The following OTC variants were observed in gnomAD, a reference collection of about 807,000 sequenced individuals.
OTC encodes the protein ornithine transcarbamylase.
Under a neutral mutation model 30.3 loss-of-function variants are expected in OTC, and 3 were observed. The observed-to-expected ratio is 0.10, with a 90% CI of 0.05 to 0.26. The LOEUF is 0.26. Among genes scored for constraint, OTC ranks in the 10% least tolerant of loss-of-function variants. The pLI, the probability that OTC is intolerant of heterozygous loss-of-function variation, is 1.00. For missense variants in OTC, 194 were observed against 260.3 expected (o/e 0.75, Z 1.75); for synonymous variants, 111 against 99.7 (o/e 1.11, Z -0.67).
intron 1 of OTC, among the ~76,000 whole-genome samples, chrX:38,367,007 G>A (rs2068299416): frequency 9.1e-6 from 1 of 110,120 alleles, no homozygotes; most frequent in Non-Finnish European, 1.9e-5. Flanking sequence ...GAGAAACCCC[G>A]TCTCTAGTAA....
intron 2 of OTC, among the ~76,000 whole-genome samples, chrX:38,367,892 A>AT (rs1161125561): frequency 1.8e-4 from 20 of 110,230 alleles, no homozygotes; most frequent in African/African-American, 6.6e-4. Context: ...TAATTTTTGT[A>AT]TTTTTAGTAG....
chrX:38,354,449 G>A (rs1370627134), intron 1 of OTC, among the ~76,000 whole-genome samples: 1 of 111,673 alleles, frequency 9.0e-6, no homozygotes, highest in East Asian at 2.8e-4. Context: ...AACTTATACT[G>A]TTCTTTGAAA....
chrX:38,327,706 G>T, the OTC span: 1,107 of 348,525 alleles, frequency 3.2e-3, no homozygotes, highest in Admixed American at 6.1e-3. Flanking sequence ...GCCACGCCGC[G>T]CAGTGATGCT....
chrX:38,355,456 A>G (rs2068235940), intron 1 of OTC, among the ~76,000 whole-genome samples: 1 of 112,506 alleles, frequency 8.9e-6, no homozygotes. Context: ...GTTCAATTTC[A>G]TCTCACAAAT....
intron 3 of OTC, among the ~76,000 whole-genome samples, chrX:38,370,956 A>G (rs777400472): frequency 4.5e-5 from 5 of 110,952 alleles, no homozygotes; most frequent in Non-Finnish European, 9.4e-5. Flanking sequence ...GCTGGGTGCC[A>G]TGGAGCTCTA....
the OTC span, among the ~76,000 whole-genome samples, chrX:38,331,432 T>G: frequency 2.1e-4 from 10 of 47,158 alleles, no homozygotes; most frequent in Admixed American, 5.8e-4. Context: ...TTTTTTTTTG[T>G]TTTTTTTTTG....
At chrX:38,410,874 G>A (rs1410224537) in intron 8 of OTC, among the ~76,000 whole-genome samples, 13 of 111,541 alleles carry the variant, frequency 1.2e-4, no homozygotes, top group Non-Finnish European at 1.9e-4. Context: ...CCTAGAGCTT[G>A]GGTGGGAGGT....
At chrX:38,415,944 T>C (rs1221823364) in intron 9 of OTC, among the ~76,000 whole-genome samples, 1 of 112,555 alleles carries the variant, frequency 8.9e-6, no homozygotes, top group African/African-American at 3.2e-5. Flanking sequence ...AATAGCCACA[T>C]GTGGCTGGTG....
At chrX:38,340,477 T>TG in the OTC span, among the ~76,000 whole-genome samples, 14 of 104,155 alleles carry the variant, frequency 1.3e-4, no homozygotes, top group African/African-American at 4.9e-4. Context: ...TTTTTTGTTT[T>TG]TTTTTTTTTT....
chrX:38,378,528 A>T (rs181922000), intron 3 of OTC, among the ~76,000 whole-genome samples: 1 of 111,697 alleles, frequency 9.0e-6, no homozygotes, highest in African/African-American at 3.2e-5. Flanking sequence ...TATGAACCCA[A>T]TGCTAGAGCA....
At position 38,403,659 on chromosome X, in the gene OTC, C is replaced by T. The variant is rs200564773; in HGVS notation, c.582C>T (p.Ile194=). ...SSLKGLTLSW[I]GDGNNILHSI... ...TGAAAGGTCTTACCCTCAGCTGGAT[C>T]GGGGATGGGAACAATATCCTGCACT... is the stretch of plus-strand genomic sequence containing the variant. Residue 194 remains isoleucine (I), a synonymous_variant, in exon 6 of 10, where the codon ATC becomes ATT. Transcript: ENST00000039007. The T allele has an allele frequency of 1.8e-4, 221 of 1,205,719 alleles. 1 individual carries two copies. The highest frequency in any genetic ancestry group is 1.2e-4 in the South Asian group (7 of 56,703).
chrX:38,370,946 G>T (rs1297507996), intron 3 of OTC, among the ~76,000 whole-genome samples: 2 of 110,822 alleles, frequency 1.8e-5, no homozygotes, highest in Admixed American at 9.6e-5. Context: ...CCTTCCTCAT[G>T]CTGGGTGCCA....
chrX:38,347,044 A>G, the OTC span, among the ~76,000 whole-genome samples: 1 of 112,525 alleles, frequency 8.9e-6, no homozygotes, highest in East Asian at 2.8e-4. Flanking sequence ...AGATAAGGAA[A>G]CTGACTTCCC....
chrX:38,337,920 C>G, the OTC span, among the ~76,000 whole-genome samples: 1 of 108,885 alleles, frequency 9.2e-6, no homozygotes, highest in South Asian at 3.9e-4. Context: ...GTAACTCCCT[C>G]AGGTTAAAAA....
chrX:38,328,233 G>A, the OTC span, among the ~76,000 whole-genome samples: 1 of 112,373 alleles, frequency 8.9e-6, no homozygotes, highest in Non-Finnish European at 1.9e-5. Context: ...GCAGATTTAC[G>A]TACGTTTGGT....
chrX:38,368,756 G>T (rs377691613), intron 2 of OTC, among the ~76,000 whole-genome samples: 74 of 98,388 alleles, frequency 7.5e-4, no homozygotes, highest in African/African-American at 2.6e-3. Flanking sequence ...AAAAACTGAG[G>T]ACAGGAGTGA....
At chrX:38,388,914 A>G (rs1417547093) in intron 4 of OTC, among the ~76,000 whole-genome samples, 1 of 112,300 alleles carries the variant, frequency 8.9e-6, no homozygotes, top group Non-Finnish European at 1.9e-5. Context: ...TACCACAAAC[A>G]TGGTGGCTTA....
At chrX:38,384,252 G>A (rs1437668122) in intron 4 of OTC, among the ~76,000 whole-genome samples, 2 of 111,683 alleles carry the variant, frequency 1.8e-5, no homozygotes, top group African/African-American at 6.5e-5. Context: ...AGGGGGAGGA[G>A]GAAATCCTCA....
At chrX:38,356,922 GT>G (rs748400357) in intron 1 of OTC, among the ~76,000 whole-genome samples, 218 of 111,653 alleles carry the variant, frequency 2.0e-3, no homozygotes, top group Admixed American at 4.0e-3. Flanking sequence ...ACATTTGTGA[GT>G]TTTTTTCACA....
Sources: allele counts gnomAD v4.1 joint callset (sites outside exome capture counted in the v4.1 genomes callset), GRCh38; gene constraint gnomAD v4.1.1; transcripts MANE v1.5; gene names NCBI Gene and HGNC (gene_info 2026-07-23, HGNC 2026-07-21).